Variants in PCDHA12 observed in about 807,000 individuals in gnomAD.
PCDHA12 encodes the protein protocadherin alpha-12.
A neutral mutation model predicts 60.0 loss-of-function variants in PCDHA12; 44 were observed. The observed-to-expected ratio is 0.73, with a 90% CI of 0.58 to 0.94. PCDHA12 has a LOEUF of 0.94. PCDHA12 is among the 40% of genes least tolerant of loss of function. The probability of loss-of-function intolerance (pLI) is 0.00; values close to 1 mark genes in which losing one functional copy is unlikely to be tolerated. For missense variants in PCDHA12, 1,276 were observed against 1,239.7 expected, an observed-to-expected ratio of 1.03 and a Z score of -0.44; for synonymous variants, 569 against 553.0, an observed-to-expected ratio of 1.03 and a Z score of -0.40.
rs1554262437 is a variant in PCDHA12, at chr5:141,009,799, C to T, written c.2688C>T (p.Asn896=). 1 of 1,614,104 alleles carries T rather than the reference C, an allele frequency of 6.2e-7. No individual in the cohort carries two copies. Residue 896 remains asparagine (N), a synonymous_variant, in exon 4 of 4, where the codon AAC becomes AAT. Coordinates refer to ENST00000398631, the MANE Select transcript of PCDHA12 (RefSeq NM_018903.4). ...AIISIRQEPT[N]SQIDKSDFIT... is the part of the protein sequence containing the mutation. ...TCTCCATCCGGCAGGAGCCTACTAACAGCCAAATTGACAAAAGTGACTTCA... is the reference window on the plus strand; with the variant it reads ...TCTCCATCCGGCAGGAGCCTACTAATAGCCAAATTGACAAAAGTGACTTCA...
At chr5:140,969,178 C>G (rs2096303822) in intron 1 of PCDHA12, 1 of 1,613,978 alleles carries the variant, frequency 6.2e-7, no homozygotes, top group South Asian at 1.1e-5. Flanking sequence ...CAGGGAGTGA[C>G]ACTTTCATGT....
intron 1 of PCDHA12, chr5:140,928,490 CT>C: frequency 1.2e-6 from 2 of 1,614,150 alleles, no homozygotes; most frequent in Non-Finnish European, 1.7e-6. Context: ...GGTGGCATTC[CT>C]CCCAGAAGTG....
At chr5:140,934,511 T>C (rs999288213) in intron 1 of PCDHA12, among the ~76,000 whole-genome samples, 1 of 152,210 alleles carries the variant, frequency 6.6e-6, no homozygotes, top group East Asian at 1.9e-4. Context: ...AAAGGGTCCA[T>C]AGACCACACT....
intron 1 of PCDHA12, among the ~76,000 whole-genome samples, chr5:140,943,827 A>T (rs1474835023): frequency 2.0e-5 from 3 of 152,208 alleles, no homozygotes; most frequent in Non-Finnish European, 4.4e-5. Flanking sequence ...AAATGAGTTG[A>T]TTGAAGTTGT....
chr5:141,002,399 T>C (rs1352771753), intron 3 of PCDHA12, among the ~76,000 whole-genome samples: 1 of 152,236 alleles, frequency 6.6e-6, no homozygotes, highest in African/African-American at 2.4e-5. Context: ...GGCATCTCTG[T>C]GCCTCCCAAA....
intron 1 of PCDHA12, among the ~76,000 whole-genome samples, chr5:140,953,778 A>T (rs782648195): frequency 2.0e-5 from 3 of 151,986 alleles, no homozygotes; most frequent in Non-Finnish European, 2.9e-5. Context: ...ATATTTATTT[A>T]TTTTTTTCTT....
rs2096607447 is a variant in PCDHA12, at chr5:140,973,909, C to T, written c.2368-5040C>T. 2.0e-5 allele frequency among the ~76,000 whole-genome samples: 3 copies of T among 152,194 alleles called. 1 individual carries two copies. The highest frequency in any genetic ancestry group is 2.0e-4 in the Admixed American group (3 of 15,280). On this transcript the variant is annotated intron_variant, in intron 1 of 3. Coordinates refer to ENST00000398631, the MANE Select transcript of PCDHA12 (RefSeq NM_018903.4). ...ATTTGCAAATGTTTGAGGAAACATT[C>T]CTGTCACCAAACCCAGAGGTTTAGC...
At chr5:140,935,232 A>G (rs2090253350) in intron 1 of PCDHA12, among the ~76,000 whole-genome samples, 1 of 152,110 alleles carries the variant, frequency 6.6e-6, no homozygotes, top group African/African-American at 2.4e-5. Context: ...AGGGATGTCT[A>G]TTTTTTAAAA....
intron 1 of PCDHA12, chr5:140,927,527 C>A (rs1554204693): frequency 6.2e-7 from 1 of 1,614,084 alleles, no homozygotes. Flanking sequence ...GGGCTACCTG[C>A]CCGCTCAGGA....
At chr5:140,982,337 A>T in intron 2 of PCDHA12, 138 bp from the exon 3 acceptor site, 1 of 1,455,066 alleles carries the variant, frequency 6.9e-7, no homozygotes, top group Non-Finnish European at 9.1e-7. Flanking sequence ...CTCAGCAGTA[A>T]TTGCTTCAGT....
At position 140,950,714 on chromosome 5, in the gene PCDHA12, TA is replaced by T. The variant is rs554168605; in HGVS notation, c.2368-28234del. On this transcript the variant is annotated intron_variant, in intron 1 of 3. Coordinates refer to ENST00000398631, the MANE Select transcript of PCDHA12 (RefSeq NM_018903.4). ...AAATTTGACAAATTTTTGTTCCTTA[TA>T]TCCTTAAATTTTTTAATCCTAATTT... Among the ~76,000 whole-genome samples the T allele has an allele frequency of 2.0e-3, 304 of 152,244 alleles. 4 individuals are homozygous for T. The highest frequency in any genetic ancestry group is 6.6e-3 in the African/African-American group (275 of 41,574).
At chr5:140,927,729 G>C (rs2084563367) in intron 1 of PCDHA12, 1 of 1,614,098 alleles carries the variant, frequency 6.2e-7, no homozygotes, top group South Asian at 1.1e-5. Context: ...CGCAAGCAGA[G>C]CTGCGACACC....
At chr5:140,929,322 C>T in intron 1 of PCDHA12, 1 of 1,540,684 alleles carries the variant, frequency 6.5e-7, no homozygotes, top group Non-Finnish European at 8.8e-7. Context: ...ATGTCAATGC[C>T]ATGGTAAGCA....
chr5:140,965,331 G>T (rs2153743444), intron 1 of PCDHA12, among the ~76,000 whole-genome samples: 1 of 152,252 alleles, frequency 6.6e-6, no homozygotes, highest in Non-Finnish European at 1.5e-5. Context: ...AAGTGAATTT[G>T]TTGTCTCTGT....
intron 1 of PCDHA12, chr5:140,927,642 T>A: frequency 6.2e-7 from 1 of 1,614,156 alleles, no homozygotes; most frequent in Non-Finnish European, 8.5e-7. Flanking sequence ...CCAATGGGAC[T>A]GTGTTATTCC....
At chr5:140,997,406 C>T (rs2097769706) in intron 3 of PCDHA12, among the ~76,000 whole-genome samples, 1 of 152,094 alleles carries the variant, frequency 6.6e-6, no homozygotes, top group Admixed American at 6.6e-5. Flanking sequence ...TATCGTATGG[C>T]CTATTTCTCC....
At chr5:140,967,692 G>A (rs781940460) in intron 1 of PCDHA12, 12 of 1,614,196 alleles carry the variant, frequency 7.4e-6, no homozygotes, top group South Asian at 1.1e-5. Flanking sequence ...CAGCTCTTCA[G>A]CATAGATGCC....
chr5:140,876,716 G>C lies in PCDHA12; in HGVS notation c.1244G>C (p.Arg415Pro), dbSNP rs374218090. Residue 415 changes from arginine (R) to proline (P), a missense_variant, in exon 1 of 4, where the codon CGC becomes CCC. By Grantham distance (103) the Arg-to-Pro change is moderately radical. Coordinates refer to ENST00000398631, the MANE Select transcript of PCDHA12 (RefSeq NM_018903.4). ...TTGGTGCTGGACAGCGCCCTGGACC[G>C]CGAGAGCGTGTCGGCCTATGAGCTG... ...YSLVLDSALDRESVSAYELVV... is the reference protein window; with the variant it reads ...YSLVLDSALDPESVSAYELVV... 135 of 1,614,132 alleles carry C rather than the reference G, an allele frequency of 8.4e-5. No homozygotes were observed. In the Middle Eastern group the frequency reaches 2.5e-3, roughly 29 times the overall value.
chr5:140,926,997 C>G (rs782110120), intron 1 of PCDHA12: 4 of 1,612,104 alleles, frequency 2.5e-6, no homozygotes, highest in African/African-American at 2.7e-5. Flanking sequence ...GGGGCGTAGC[C>G]GTAGGCAATC....
Sources: allele counts gnomAD v4.1 joint callset (sites outside exome capture counted in the v4.1 genomes callset), GRCh38; gene constraint gnomAD v4.1.1; transcripts MANE v1.5; gene names NCBI Gene and HGNC (gene_info 2026-07-23, HGNC 2026-07-21).